The following FARS2 variants were observed in gnomAD, a reference collection of about 807,000 sequenced individuals.
FARS2 encodes the protein phenylalanyl-tRNA synthetase 2, mitochondrial, also known as phenylalanine--tRNA ligase, mitochondrial.
A neutral mutation model predicts 46.4 loss-of-function variants in FARS2; 40 were observed. The observed-to-expected ratio is 0.86, with a 90% confidence interval of 0.67 to 1.12. The LOEUF is 1.12. FARS2 is among the 50% of genes most tolerant of loss of function. The pLI, the probability that FARS2 is intolerant of heterozygous loss-of-function variation, is 0.00. For synonymous variants in FARS2, 234 were observed against 214.9 expected (o/e 1.09, Z -0.78); for missense variants, 513 against 567.9 (o/e 0.90, Z 0.98).
At chr6:5,325,368 C>A (rs111717324) in intron 1 of FARS2, among the ~76,000 whole-genome samples, 1 of 152,216 alleles carries the variant, frequency 6.6e-6, no homozygotes, top group African/African-American at 2.4e-5. Flanking sequence ...GTGCACCTAG[C>A]GGGCATGCTA....
At chr6:5,604,630 T>C in intron 5 of FARS2, among the ~76,000 whole-genome samples, 1 of 152,308 alleles carries the variant, frequency 6.6e-6, no homozygotes, top group South Asian at 2.1e-4. Flanking sequence ...TAAATAAACA[T>C]GCTGCATTGA....
At chr6:5,709,745 T>TGC (rs199936049) in intron 6 of FARS2, among the ~76,000 whole-genome samples, 10 of 150,526 alleles carry the variant, frequency 6.6e-5, no homozygotes, top group South Asian at 2.1e-4. Flanking sequence ...TGTGTGTGTG[T>TGC]GCGCGCGCGC....
rs79057006 is a variant in FARS2, at chr6:5,761,808, T to TAA, written c.1218-9464_1218-9463dup. 1.7e-3 allele frequency among the ~76,000 whole-genome samples: 179 copies of TAA among 105,904 alleles called. 1 individual carries two copies. Among genetic ancestry groups the TAA allele is most frequent in the African/African-American group, 4.9e-3 (150 of 30,610 alleles). The allele number at this position is 105,904 out of a possible 152,430, so 69.5% of individuals were successfully genotyped here. On this transcript the variant is annotated intron_variant, in intron 6 of 6. Coordinates refer to ENST00000274680, the MANE Select transcript of FARS2 (RefSeq NM_006567.5). ...GCCATAGCATTAAGAGTGGAGGATC[T>TAA]AAAAAAAAAAAAAAAAAAAAGAGGC... is the stretch of plus-strand genomic sequence containing the variant.
chr6:5,265,869 C>A (rs576421977), intron 1 of FARS2, among the ~76,000 whole-genome samples: 1 of 152,152 alleles, frequency 6.6e-6, no homozygotes. Context: ...ATCCCTGATG[C>A]TTGGGCCACA....
intron 5 of FARS2, among the ~76,000 whole-genome samples, chr6:5,585,110 A>G (rs1359470310): frequency 6.6e-6 from 1 of 152,176 alleles, no homozygotes; most frequent in Non-Finnish European, 1.5e-5. Context: ...TGTGGGGAAA[A>G]CAAATATTTA....
chr6:5,316,996 T>C (rs113717466), intron 1 of FARS2, among the ~76,000 whole-genome samples: 1,659 of 152,248 alleles, frequency 0.011, 36 homozygotes, highest in African/African-American at 0.038. Flanking sequence ...TACAGCCCAG[T>C]ACCTAATCAC....
chr6:5,315,039 A>T (rs761719130), intron 1 of FARS2, among the ~76,000 whole-genome samples: 1 of 152,198 alleles, frequency 6.6e-6, no homozygotes, highest in Non-Finnish European at 1.5e-5. Context: ...TTAGTGGTTG[A>T]TGATTTTGGT....
chr6:5,477,673 G>A (rs1766203265), intron 4 of FARS2, among the ~76,000 whole-genome samples: 1 of 152,230 alleles, frequency 6.6e-6, no homozygotes, highest in Non-Finnish European at 1.5e-5. Context: ...TTAATTTTGT[G>A]TGTGTAATTA....
intron 4 of FARS2, among the ~76,000 whole-genome samples, chr6:5,511,706 CTT>C (rs928853329): frequency 6.6e-6 from 1 of 152,154 alleles, no homozygotes; most frequent in Non-Finnish European, 1.5e-5. Flanking sequence ...CTAACCATGC[CTT>C]TTCTCTGTTT....
Position 5,313,035 on chromosome 6 carries a change from G to A in FARS2, c.-22+51375G>A, listed in dbSNP as rs181718963. Among the ~76,000 whole-genome samples the A allele has an allele frequency of 5.3e-5, 8 of 152,274 alleles. No individual in the cohort carries two copies. The East Asian group carries it at 1.5e-3, about 29-fold the overall frequency. On this transcript the variant is annotated intron_variant, in intron 1 of 6. Coordinates refer to ENST00000274680, the MANE Select transcript of FARS2 (RefSeq NM_006567.5). ...CTGGGGTGGGAGAGGGAGAAGGAGA[G>A]GGAGAGAGAGAAAAAGTGTGTGGTG... is the stretch of plus-strand genomic sequence containing the variant.
At chr6:5,289,896 G>T (rs1381645712) in intron 1 of FARS2, among the ~76,000 whole-genome samples, 1 of 152,118 alleles carries the variant, frequency 6.6e-6, no homozygotes, top group East Asian at 1.9e-4. Context: ...ATTGGCCTTA[G>T]GTTCCCTGCC....
At chr6:5,770,833 C>T (rs1020996286) in intron 6 of FARS2, among the ~76,000 whole-genome samples, 4 of 152,198 alleles carry the variant, frequency 2.6e-5, no homozygotes, top group African/African-American at 9.6e-5. Context: ...CTCAGCCTTG[C>T]CTGGAGCCTT....
At chr6:5,512,384 A>T (rs1480783909) in intron 4 of FARS2, among the ~76,000 whole-genome samples, 3 of 152,002 alleles carry the variant, frequency 2.0e-5, no homozygotes, top group African/African-American at 7.3e-5. Context: ...ATGAAACAAG[A>T]AGGGCATGTC....
chr6:5,682,957 C>T (rs1449486546), intron 6 of FARS2, among the ~76,000 whole-genome samples: 1 of 152,180 alleles, frequency 6.6e-6, no homozygotes, highest in Non-Finnish European at 1.5e-5. Flanking sequence ...ATAGCGGGAA[C>T]AGCACGTGCA....
intron 6 of FARS2, among the ~76,000 whole-genome samples, chr6:5,666,192 A>C (rs1262605679): frequency 6.6e-6 from 1 of 152,230 alleles, no homozygotes; most frequent in Admixed American, 6.5e-5. Context: ...TGGGCTGTGT[A>C]AGGAAGAATC....
At chr6:5,296,540 C>T (rs1024364610) in intron 1 of FARS2, among the ~76,000 whole-genome samples, 5 of 152,164 alleles carry the variant, frequency 3.3e-5, no homozygotes, top group African/African-American at 7.2e-5. Context: ...TTATCATCTT[C>T]CCAGATTGAA....
intron 4 of FARS2, among the ~76,000 whole-genome samples, chr6:5,465,922 C>G (rs1765489315): frequency 6.6e-6 from 1 of 151,898 alleles, no homozygotes; most frequent in South Asian, 2.1e-4. Flanking sequence ...TGGATTCTTC[C>G]CATGTCTATA....
intron 6 of FARS2, among the ~76,000 whole-genome samples, chr6:5,747,500 G>T (rs911966337): frequency 6.6e-6 from 1 of 152,192 alleles, no homozygotes; most frequent in Admixed American, 6.5e-5. Flanking sequence ...TAAATGTAGG[G>T]TGTGAAGTAA....
chr6:5,324,231 A>G (rs1397774852), intron 1 of FARS2, among the ~76,000 whole-genome samples: 1 of 152,118 alleles, frequency 6.6e-6, no homozygotes, highest in Non-Finnish European at 1.5e-5. Context: ...GACAAACTCT[A>G]TTGTGTGGGG....
Sources: allele counts gnomAD v4.1 joint callset (sites outside exome capture counted in the v4.1 genomes callset), GRCh38; gene constraint gnomAD v4.1.1; transcripts MANE v1.5; gene names NCBI Gene and HGNC (gene_info 2026-07-23, HGNC 2026-07-21).